The following TRMT11 variants were observed in gnomAD, a reference collection of about 807,000 sequenced individuals.
TRMT11 encodes the protein tRNA methyltransferase 11.
TRMT11 carries 53 observed loss-of-function variants against 62.8 expected under a neutral mutation model. The observed-to-expected ratio is 0.84, with a 90% CI of 0.68 to 1.06. The LOEUF (loss-of-function observed/expected upper bound fraction) is 1.06. TRMT11 is among the 50% of genes least tolerant of loss of function. The pLI, the probability that TRMT11 is intolerant of heterozygous loss-of-function variation, is 0.00. For synonymous variants in TRMT11, 188 were observed against 190.3 expected, an observed-to-expected ratio of 0.99 and a Z score of 0.10; for missense variants, 556 against 553.4, an observed-to-expected ratio of 1.00 and a Z score of -0.05.
At chr6:126,163,851 G>A (rs1401447226) in intron 21 of TRMT11, among the ~76,000 whole-genome samples, 1 of 152,086 alleles carries the variant, frequency 6.6e-6, no homozygotes, top group Non-Finnish European at 1.5e-5. Flanking sequence ...CTGTCTATTT[G>A]ATTCTTCTCT....
Position 126,012,819 on chromosome 6 carries a change from A to T in TRMT11, c.974A>T (p.Glu325Val), listed in dbSNP as rs1236242694. 2 of 1,613,712 alleles carry T rather than the reference A, an allele frequency of 1.2e-6. No individual in the cohort carries two copies. Among genetic ancestry groups the T allele is most frequent in the African/African-American group, 1.3e-5 (1 of 74,936 alleles). Residue 325 changes from glutamate to valine, a missense_variant, in exon 10 of 13, where the codon GAG becomes GTG. Physicochemically the swap from Glu to Val is moderately radical, Grantham distance 121. Coordinates refer to ENST00000334379, the MANE Select transcript of TRMT11 (RefSeq NM_001031712.3). ...ESTRRTGSQK[E>V]IPKGIEKWEK... ...ACAAGAAGAACAGGTTCACAGAAGG[A>T]GATACCAAAGGGGATAGAAAAATGG...
the TRMT11 span, among the ~76,000 whole-genome samples, chr6:126,219,279 T>C: frequency 2.0e-5 from 3 of 152,172 alleles, no homozygotes; most frequent in Non-Finnish European, 4.4e-5. Context: ...TTTCTGGCCA[T>C]CTTGCTTCAC....
At chr6:126,187,376 A>AG (rs1778538935) in intron 1 of TRMT11, among the ~76,000 whole-genome samples, 1 of 151,984 alleles carries the variant, frequency 6.6e-6, no homozygotes, top group African/African-American at 2.4e-5. Flanking sequence ...AGTAAAAAAA[A>AG]TCAAATATCT....
chr6:126,052,596 C>T (rs1353999867), intron 16 of TRMT11, among the ~76,000 whole-genome samples: 1 of 152,124 alleles, frequency 6.6e-6, no homozygotes, highest in Non-Finnish European at 1.5e-5. Flanking sequence ...GAGCTCATGA[C>T]AATGTCTTTC....
chr6:126,136,915 G>T (rs905970484), intron 21 of TRMT11, among the ~76,000 whole-genome samples: 2 of 150,156 alleles, frequency 1.3e-5, no homozygotes, highest in Non-Finnish European at 3.0e-5. Flanking sequence ...AATGATGCTG[G>T]GAAAACAGGA....
At chr6:126,203,175 C>T (rs889460580), downstream of TRMT11, among the ~76,000 whole-genome samples, 1 of 152,142 alleles carries the variant, frequency 6.6e-6, no homozygotes, top group African/African-American at 2.4e-5. Flanking sequence ...GCTCAGAAGG[C>T]CCCATGTTTT....
intron 1 of TRMT11, among the ~76,000 whole-genome samples, chr6:126,182,626 C>A (rs1443099156): frequency 6.6e-6 from 1 of 151,984 alleles, no homozygotes; most frequent in Non-Finnish European, 1.5e-5. Flanking sequence ...GTGTTTAAGC[C>A]TCTTCTCTGG....
At chr6:126,026,204 G>C (rs1206212973) in intron 12 of TRMT11, among the ~76,000 whole-genome samples, 3 of 152,112 alleles carry the variant, frequency 2.0e-5, no homozygotes, top group Non-Finnish European at 1.5e-5. Context: ...TTAGAAATGA[G>C]GAAGAGTAGC....
chr6:126,175,144 T>G (rs567009489), upstream of TRMT11, among the ~76,000 whole-genome samples: 72 of 152,324 alleles, frequency 4.7e-4, 3 homozygotes, highest in South Asian at 0.015. Flanking sequence ...TCCACTCTAC[T>G]GTTTCAAACC....
At chr6:126,045,854 T>G (rs964688716) in intron 16 of TRMT11, among the ~76,000 whole-genome samples, 8 of 152,160 alleles carry the variant, frequency 5.3e-5, no homozygotes, top group Non-Finnish European at 1.0e-4. Flanking sequence ...CAGCTCCTCC[T>G]GGCAGTCTGT....
At chr6:126,241,498 G>T in the TRMT11 span, among the ~76,000 whole-genome samples, 2 of 152,136 alleles carry the variant, frequency 1.3e-5, no homozygotes, top group Non-Finnish European at 2.9e-5. Flanking sequence ...CAAAAAAAGA[G>T]AATTTTAGAC....
the TRMT11 span, among the ~76,000 whole-genome samples, chr6:126,229,174 CAG>C: frequency 3.3e-5 from 5 of 152,104 alleles, no homozygotes; most frequent in South Asian, 6.2e-4. Context: ...ACATTTTAAA[CAG>C]AGGTTTTAAA....
Position 126,115,475 on chromosome 6 carries a change from C to A in TRMT11, c.*1692C>A, listed in dbSNP as rs957808275. ...TATTGCTTAGAGGAAAATTCAGTCA[C>A]CTGATATTTGAAGTTTAGGTAATTT... On this transcript the variant is annotated 3_prime_UTR_variant and NMD_transcript_variant, in exon 20 of 23. Transcript: ENST00000648977. Among the ~76,000 whole-genome samples, 4 of 152,196 alleles carry A rather than the reference C, an allele frequency of 2.6e-5. No homozygotes were observed. The East Asian group carries it at 7.7e-4, about 29-fold the overall frequency.
the TRMT11 span, among the ~76,000 whole-genome samples, chr6:126,219,668 G>A: frequency 6.6e-6 from 1 of 152,180 alleles, no homozygotes; most frequent in Non-Finnish European, 1.5e-5. Context: ...AGTTTGCAGA[G>A]TTGCAGTTTT....
At chr6:126,030,346 G>A (rs554679828) in intron 12 of TRMT11, among the ~76,000 whole-genome samples, 39 of 152,090 alleles carry the variant, frequency 2.6e-4, no homozygotes, top group Non-Finnish European at 1.6e-4. Flanking sequence ...ACTGAGCCCC[G>A]TTATATTCAG....
chr6:126,242,602 C>G, the TRMT11 span, among the ~76,000 whole-genome samples: 2 of 152,152 alleles, frequency 1.3e-5, no homozygotes, highest in Non-Finnish European at 2.9e-5. Context: ...ACAAATGGAA[C>G]AGAACAGAGC....
chr6:126,057,472 C>T (rs1482584973), intron 17 of TRMT11, among the ~76,000 whole-genome samples: 2 of 152,188 alleles, frequency 1.3e-5, no homozygotes, highest in African/African-American at 2.4e-5. Context: ...TTCAAGTACC[C>T]TATTGATTGG....
chr6:126,207,681 G>A (rs1396396903), downstream of TRMT11, among the ~76,000 whole-genome samples: 3 of 152,192 alleles, frequency 2.0e-5, no homozygotes, highest in African/African-American at 7.2e-5. Context: ...TGTAGTTAGG[G>A]TGTATAAAGT....
chr6:126,137,494 C>T (rs1014617827), intron 21 of TRMT11, among the ~76,000 whole-genome samples: 15 of 151,424 alleles, frequency 9.9e-5, no homozygotes, highest in Admixed American at 3.3e-4. Flanking sequence ...CTGGCAAGGA[C>T]GCAGAGAAAG....
Sources: gnomAD v4.1 joint callset for allele counts (sites outside exome capture counted in the v4.1 genomes callset) on GRCh38, gnomAD v4.1.1 for gene constraint, MANE v1.5 for transcripts, NCBI Gene and HGNC (gene_info 2026-07-23, HGNC 2026-07-21) for gene names.